Variants in OPCML observed in about 807,000 individuals in gnomAD.
The protein encoded by OPCML is opioid binding protein/cell adhesion molecule like, also known as opioid-binding protein/cell adhesion molecule.
Under a neutral mutation model 37.8 loss-of-function variants are expected in OPCML, and 13 were observed. The observed-to-expected ratio is 0.34, with a 90% confidence interval of 0.22 to 0.55. OPCML has a LOEUF of 0.55. Among genes scored for constraint, OPCML ranks in the 20% least tolerant of loss-of-function variants. The probability of loss-of-function intolerance (pLI) is 0.91; values close to 1 mark genes in which losing one functional copy is unlikely to be tolerated. For missense variants in OPCML, 341 were observed against 435.6 expected, an observed-to-expected ratio of 0.78 and a Z score of 1.93; for synonymous variants, 176 against 168.8, an observed-to-expected ratio of 1.04 and a Z score of -0.33.
chr11:133,057,101 C>G (rs1225861175), intron 1 of OPCML, among the ~76,000 whole-genome samples: 1 of 152,212 alleles, frequency 6.6e-6, no homozygotes, highest in Non-Finnish European at 1.5e-5. Context: ...GCCTTGGCCT[C>G]CAAAGTGCTG....
chr11:133,521,203 G>A (rs143278881), intron 1 of OPCML, among the ~76,000 whole-genome samples: 1 of 152,216 alleles, frequency 6.6e-6, no homozygotes, highest in African/African-American at 2.4e-5. Context: ...TGCGAATTAG[G>A]CAAAACAGTT....
intron 1 of OPCML, among the ~76,000 whole-genome samples, chr11:133,406,274 A>G (rs971209916): frequency 1.3e-5 from 2 of 152,166 alleles, no homozygotes; most frequent in African/African-American, 4.8e-5. Context: ...TAAGGGGTGC[A>G]TATCTGAGCT....
chr11:133,013,382 T>C (rs1947258762), intron 1 of OPCML, among the ~76,000 whole-genome samples: 2 of 152,204 alleles, frequency 1.3e-5, no homozygotes, highest in Admixed American at 1.3e-4. Flanking sequence ...AGTCCTACAA[T>C]AAGGCAAAAT....
intron 1 of OPCML, among the ~76,000 whole-genome samples, chr11:133,355,707 C>T (rs571928634): frequency 6.6e-6 from 1 of 152,212 alleles, no homozygotes; most frequent in South Asian, 2.1e-4. Context: ...AGAAATAATT[C>T]CAGTGGTTCA....
At chr11:133,431,357 G>T (rs1852155825) in intron 1 of OPCML, among the ~76,000 whole-genome samples, 1 of 152,104 alleles carries the variant, frequency 6.6e-6, no homozygotes, top group African/African-American at 2.4e-5. Flanking sequence ...TCTGTCTTTT[G>T]AGAGAGACAC....
At chr11:132,881,796 T>C (rs571990015) in intron 2 of OPCML, among the ~76,000 whole-genome samples, 1 of 152,312 alleles carries the variant, frequency 6.6e-6, no homozygotes, top group Non-Finnish European at 1.5e-5. Context: ...TGCTTGCATT[T>C]GTAGTGCTGA....
At chr11:132,849,625 A>T (rs1351479846) in intron 2 of OPCML, among the ~76,000 whole-genome samples, 3 of 152,202 alleles carry the variant, frequency 2.0e-5, no homozygotes, top group African/African-American at 7.2e-5. Flanking sequence ...ATCACCTGCA[A>T]GTAGAGACCT....
intron 1 of OPCML, among the ~76,000 whole-genome samples, chr11:133,257,449 C>T (rs954458571): frequency 1.3e-5 from 2 of 152,178 alleles, no homozygotes; most frequent in Non-Finnish European, 2.9e-5. Flanking sequence ...CGCTGCATTA[C>T]GATCGGTTGT....
chr11:133,347,000 G>C (rs1321454215), intron 1 of OPCML, among the ~76,000 whole-genome samples: 2 of 152,196 alleles, frequency 1.3e-5, no homozygotes, highest in African/African-American at 4.8e-5. Flanking sequence ...TATCTTAAAA[G>C]GGTAATGAAT....
chr11:133,038,735 A>G (rs1484109616), intron 1 of OPCML, among the ~76,000 whole-genome samples: 4 of 151,928 alleles, frequency 2.6e-5, no homozygotes, highest in African/African-American at 7.3e-5. Flanking sequence ...GTCTAAGGTG[A>G]GTTCAGGCCA....
intron 1 of OPCML, among the ~76,000 whole-genome samples, chr11:133,045,709 C>T (rs1301113068): frequency 6.6e-6 from 1 of 152,130 alleles, no homozygotes; most frequent in Non-Finnish European, 1.5e-5. Context: ...AGTGTGCAAC[C>T]AGTGATATCT....
intron 2 of OPCML, among the ~76,000 whole-genome samples, chr11:132,715,027 G>A (rs1465927189): frequency 6.6e-6 from 1 of 152,164 alleles, no homozygotes; most frequent in Non-Finnish European, 1.5e-5. Flanking sequence ...TGGGGTCTCT[G>A]CCATCTTCCC....
chr11:133,451,767 G>A (rs1192222153), intron 1 of OPCML, among the ~76,000 whole-genome samples: 6 of 151,206 alleles, frequency 4.0e-5, no homozygotes, highest in South Asian at 2.1e-4. Context: ...GCTTGAACCC[G>A]GGAGGTGGAG....
intron 1 of OPCML, among the ~76,000 whole-genome samples, chr11:133,108,903 T>C (rs1002608334): frequency 6.6e-6 from 1 of 152,198 alleles, no homozygotes; most frequent in Non-Finnish European, 1.5e-5. Context: ...CGTGTTTCCA[T>C]ATGCAGGAAG....
chr11:133,458,099 T>C (rs1946714307), intron 1 of OPCML, among the ~76,000 whole-genome samples: 1 of 151,544 alleles, frequency 6.6e-6, no homozygotes. Context: ...TGAGCCAAGA[T>C]CGTACCATTG....
chr11:133,150,360 T>C (rs1344269404), intron 1 of OPCML, among the ~76,000 whole-genome samples: 1 of 152,228 alleles, frequency 6.6e-6, no homozygotes, highest in Non-Finnish European at 1.5e-5. Flanking sequence ...ATGAAGAATC[T>C]GAGGTTCCAG....
At chr11:132,699,326 T>C (rs764833620) in intron 2 of OPCML, among the ~76,000 whole-genome samples, 13 of 152,108 alleles carry the variant, frequency 8.5e-5, no homozygotes, top group Non-Finnish European at 1.6e-4. Context: ...TCTTTTCCAA[T>C]TTGAAACTCT....
intron 1 of OPCML, among the ~76,000 whole-genome samples, chr11:133,120,687 G>T (rs532902302): frequency 1.3e-5 from 2 of 152,330 alleles, no homozygotes; most frequent in South Asian, 4.1e-4. Context: ...TTGAATGAAT[G>T]AAATCAGTTT....
chr11:132,467,209 C>T (rs138910493), intron 4 of OPCML, among the ~76,000 whole-genome samples: 6 of 152,216 alleles, frequency 3.9e-5, no homozygotes, highest in South Asian at 2.1e-4. Flanking sequence ...GCAGGAATGA[C>T]GCCTTGGACA....
Sources: allele counts gnomAD v4.1 joint callset (sites outside exome capture counted in the v4.1 genomes callset), GRCh38; gene constraint gnomAD v4.1.1; transcripts MANE v1.5; gene names NCBI Gene and HGNC (gene_info 2026-07-23, HGNC 2026-07-21).